CNTN5: variants seen among roughly 807,000 people sequenced by gnomAD.
CNTN5 encodes contactin-5.
Under a neutral mutation model 129.1 loss-of-function variants are expected in CNTN5, and 77 were observed. The observed-to-expected ratio is 0.60, with a 90% CI of 0.50 to 0.72. CNTN5 has a LOEUF of 0.72. Among genes scored for constraint, CNTN5 ranks in the 30% least tolerant of loss-of-function variants. CNTN5 has a pLI of 0.00. For synonymous variants in CNTN5, 509 were observed against 465.6 expected, an observed-to-expected ratio of 1.09 and a Z score of -1.20; for missense variants, 1,478 against 1,328.8, an observed-to-expected ratio of 1.11 and a Z score of -1.75.
chr11:99,612,730 C>G (rs562941262), intron 3 of CNTN5, among the ~76,000 whole-genome samples: 1 of 152,306 alleles, frequency 6.6e-6, no homozygotes, highest in South Asian at 2.1e-4. Flanking sequence ...ATGACTCATT[C>G]CCTTTTTCAT....
At chr11:100,118,206 A>T (rs968432126) in intron 13 of CNTN5, among the ~76,000 whole-genome samples, 21 of 151,684 alleles carry the variant, frequency 1.4e-4, no homozygotes, top group Non-Finnish European at 3.0e-4. Flanking sequence ...AACCACTTTA[A>T]ATTTACTTTT....
At chr11:100,132,860 T>A (rs1022771369) in intron 13 of CNTN5, among the ~76,000 whole-genome samples, 16 of 152,158 alleles carry the variant, frequency 1.1e-4, no homozygotes, top group African/African-American at 3.6e-4. Context: ...TATTTATGAT[T>A]ACACAGTTTT....
intron 1 of CNTN5, among the ~76,000 whole-genome samples, chr11:99,209,153 G>A (rs1420693450): frequency 1.3e-5 from 2 of 150,218 alleles, no homozygotes; most frequent in Non-Finnish European, 3.0e-5. Flanking sequence ...TTTCCATCTA[G>A]GATTTAATAA....
At chr11:99,095,860 A>C (rs748882086) in intron 1 of CNTN5, among the ~76,000 whole-genome samples, 1 of 151,998 alleles carries the variant, frequency 6.6e-6, no homozygotes, top group East Asian at 1.9e-4. Context: ...TTACATTGAG[A>C]GACATGATGT....
At chr11:99,112,017 A>G (rs1409486790) in intron 1 of CNTN5, among the ~76,000 whole-genome samples, 1 of 152,056 alleles carries the variant, frequency 6.6e-6, no homozygotes, top group Non-Finnish European at 1.5e-5. Flanking sequence ...TCTCCCACAA[A>G]TAAGTCATCA....
At chr11:99,264,598 T>A (rs559032640) in intron 1 of CNTN5, among the ~76,000 whole-genome samples, 7 of 152,188 alleles carry the variant, frequency 4.6e-5, no homozygotes, top group Non-Finnish European at 1.0e-4. Context: ...TAGATTTTAT[T>A]CAATCATGCA....
chr11:99,031,708 T>G lies in CNTN5; in HGVS notation c.-210+10438T>G, dbSNP rs115694858. On this transcript the variant is annotated intron_variant, in intron 1 of 24. Transcript: ENST00000524871. The stretch of plus-strand genomic sequence containing the variant: ...TGTCTTTTAATCTTTGCTCCATGTA[T>G]TTTTCTTATAAGATAATAGTTCTTA... 4.7e-3 allele frequency among the ~76,000 whole-genome samples: 722 copies of G among 152,206 alleles called. 6 individuals are homozygous for G. Among genetic ancestry groups the G allele is most frequent in the African/African-American group, 0.017 (696 of 41,548 alleles).
chr11:99,284,020 A>G (rs1361956880), intron 1 of CNTN5, among the ~76,000 whole-genome samples: 1 of 152,154 alleles, frequency 6.6e-6, no homozygotes, highest in African/African-American at 2.4e-5. Context: ...AGGTTGCTGA[A>G]GTCACATAAC....
chr11:99,918,160 T>C (rs780837096), intron 7 of CNTN5, among the ~76,000 whole-genome samples: 1 of 152,136 alleles, frequency 6.6e-6, no homozygotes, highest in Non-Finnish European at 1.5e-5. Flanking sequence ...GATTCTTACT[T>C]TTCTCCTTCA....
rs189585185 is a variant in CNTN5, at chr11:99,117,632, C to A, written c.-210+96362C>A. On this transcript the variant is annotated intron_variant, in intron 1 of 24. Coordinates refer to ENST00000524871, the MANE Select transcript of CNTN5 (RefSeq NM_014361.4). ...AAATTCATAGGTAGAAGCCCTAACA[C>A]CCAATGTATTGGTATTTGGAAGTGG... is the stretch of plus-strand genomic sequence containing the variant. Among the ~76,000 whole-genome samples the A allele has an allele frequency of 9.9e-5, 15 of 152,232 alleles. 1 individual carries two copies. The highest frequency in any genetic ancestry group is 4.1e-4 in the South Asian group (2 of 4,824).
intron 3 of CNTN5, among the ~76,000 whole-genome samples, chr11:99,752,419 A>G (rs1565490677): frequency 6.6e-6 from 1 of 152,252 alleles, no homozygotes; most frequent in Non-Finnish European, 1.5e-5. Context: ...AAATGAAAAG[A>G]TAAATTGGTC....
chr11:99,198,534 A>T (rs1225652914), intron 1 of CNTN5, among the ~76,000 whole-genome samples: 2 of 152,156 alleles, frequency 1.3e-5, no homozygotes, highest in East Asian at 3.8e-4. Context: ...ATTTAAAGGG[A>T]AAACAAATAA....
chr11:99,504,130 T>A (rs1946526642), intron 2 of CNTN5, among the ~76,000 whole-genome samples: 1 of 152,226 alleles, frequency 6.6e-6, no homozygotes, highest in Non-Finnish European at 1.5e-5. Flanking sequence ...GTAATTTTAA[T>A]ATGATCAACA....
At chr11:99,277,255 C>T (rs1375215676) in intron 1 of CNTN5, among the ~76,000 whole-genome samples, 2 of 151,612 alleles carry the variant, frequency 1.3e-5, no homozygotes, top group Non-Finnish European at 3.0e-5. Flanking sequence ...GTTGGTTTTT[C>T]TCTAGTCTGT....
At chr11:100,146,065 C>G (rs1004666453) in intron 13 of CNTN5, among the ~76,000 whole-genome samples, 1 of 152,126 alleles carries the variant, frequency 6.6e-6, no homozygotes, top group Non-Finnish European at 1.5e-5. Flanking sequence ...CCTTTAGCTT[C>G]TCTGTAAATG....
intron 1 of CNTN5, among the ~76,000 whole-genome samples, chr11:99,251,846 C>A (rs770033450): frequency 7.2e-5 from 11 of 151,914 alleles, no homozygotes; most frequent in Non-Finnish European, 1.3e-4. Context: ...TATGGAGAAG[C>A]TTTTGTGTCC....
At chr11:100,339,883 G>C (rs1159808998) in intron 21 of CNTN5, among the ~76,000 whole-genome samples, 4 of 152,068 alleles carry the variant, frequency 2.6e-5, no homozygotes, top group Non-Finnish European at 5.9e-5. Context: ...TGCATAAAAA[G>C]GGCTTTGACA....
chr11:99,760,605 T>G (rs939807866), intron 3 of CNTN5, among the ~76,000 whole-genome samples: 3 of 152,178 alleles, frequency 2.0e-5, no homozygotes, highest in Admixed American at 2.0e-4. Flanking sequence ...AATACCATTG[T>G]AAATGACTTG....
At chr11:99,437,492 A>G (rs547834011) in intron 2 of CNTN5, among the ~76,000 whole-genome samples, 21 of 152,332 alleles carry the variant, frequency 1.4e-4, no homozygotes, top group Non-Finnish European at 2.5e-4. Flanking sequence ...CCCGTTGTAT[A>G]CATCTTTTTC....
Sources: allele counts gnomAD v4.1 joint callset (sites outside exome capture counted in the v4.1 genomes callset), GRCh38; gene constraint gnomAD v4.1.1; transcripts MANE v1.5; gene names NCBI Gene and HGNC (gene_info 2026-07-23, HGNC 2026-07-21).